The following NPAS3 variants were observed in gnomAD, a reference collection of about 807,000 sequenced individuals.
NPAS3 encodes the protein neuronal PAS domain-containing protein 3.
NPAS3 carries 14 observed loss-of-function variants against 73.1 expected under a neutral mutation model. The observed-to-expected ratio is 0.19, with a 90% confidence interval of 0.13 to 0.30. The LOEUF is 0.30. Among genes scored for constraint, NPAS3 ranks in the 10% least tolerant of loss-of-function variants. The probability of loss-of-function intolerance (pLI) is 1.00; values close to 1 mark genes in which losing one functional copy is unlikely to be tolerated. For synonymous variants in NPAS3, 620 were observed against 541.5 expected, an observed-to-expected ratio of 1.14 and a Z score of -2.01; for missense variants, 1,096 against 1,250.0, an observed-to-expected ratio of 0.88 and a Z score of 1.86.
At chr14:33,430,474 C>T (rs1018433366) in intron 4 of NPAS3, among the ~76,000 whole-genome samples, 2 of 152,102 alleles carry the variant, frequency 1.3e-5, no homozygotes, top group Non-Finnish European at 2.9e-5. Flanking sequence ...GGTGGCCTAG[C>T]AGAGTACATG....
intron 9 of NPAS3, among the ~76,000 whole-genome samples, chr14:33,785,492 G>A (rs2063143763): frequency 6.7e-6 from 1 of 149,792 alleles, no homozygotes; most frequent in African/African-American, 2.5e-5. Context: ...ACCTAAATCA[G>A]TTAACCTAAA....
chr14:33,343,635 G>A (rs1252252665), intron 3 of NPAS3, among the ~76,000 whole-genome samples: 2 of 152,164 alleles, frequency 1.3e-5, no homozygotes, highest in Non-Finnish European at 2.9e-5. Context: ...AAATGTTCCA[G>A]TAATTAGGGG....
intron 4 of NPAS3, among the ~76,000 whole-genome samples, chr14:33,439,037 C>T (rs556288227): frequency 1.3e-5 from 2 of 151,930 alleles, no homozygotes; most frequent in South Asian, 2.1e-4. Context: ...GTTCAATTTC[C>T]AAACTTACCC....
chr14:33,087,432 G>C lies in NPAS3; in HGVS notation c.140+31438G>C, dbSNP rs549306043. Reference sequence around the variant, plus strand: ...TACCAAGTAGGGAACAAAAAAATAAGGACTTCTGTGCAAATGATACCATTA... The same window carrying C: ...TACCAAGTAGGGAACAAAAAAATAACGACTTCTGTGCAAATGATACCATTA... On this transcript the variant is annotated intron_variant, in intron 2 of 11. Transcript: ENST00000356141. 3.3e-5 allele frequency among the ~76,000 whole-genome samples: 5 copies of C among 151,786 alleles called. No individual in the cohort carries two copies. In the South Asian group the frequency reaches 1.0e-3, roughly 32 times the overall value.
intron 9 of NPAS3, among the ~76,000 whole-genome samples, chr14:33,783,816 T>C: frequency 6.6e-6 from 1 of 152,140 alleles, no homozygotes. Context: ...GAATCTGCAG[T>C]TAGCAAGATC....
At chr14:33,594,516 A>G (rs2057172997) in intron 5 of NPAS3, among the ~76,000 whole-genome samples, 1 of 152,212 alleles carries the variant, frequency 6.6e-6, no homozygotes, top group Non-Finnish European at 1.5e-5. Flanking sequence ...AGTCCTGTGC[A>G]CAACTTTCTG....
At chr14:33,198,795 G>A (rs1566667420) in intron 2 of NPAS3, among the ~76,000 whole-genome samples, 1 of 152,184 alleles carries the variant, frequency 6.6e-6, no homozygotes, top group African/African-American at 2.4e-5. Flanking sequence ...CAGGGGCAGT[G>A]CCTGTCAGGA....
chr14:33,544,096 A>G lies in NPAS3; in HGVS notation c.469-16025A>G, dbSNP rs141658717. On this transcript the variant is annotated intron_variant, in intron 4 of 11. Coordinates refer to ENST00000356141, the Ensembl canonical transcript of NPAS3. Reference sequence around the variant, plus strand: ...CACAGAGACCACCTCCATAAATGCTATCTGTCACTGTTAATATTATTATTA... The same window carrying G: ...CACAGAGACCACCTCCATAAATGCTGTCTGTCACTGTTAATATTATTATTA... 3.3e-5 allele frequency among the ~76,000 whole-genome samples: 5 copies of G among 151,048 alleles called. No homozygotes were observed. In the East Asian group the frequency reaches 5.9e-4, roughly 18 times the overall value.
intron 2 of NPAS3, among the ~76,000 whole-genome samples, chr14:33,093,033 T>C (rs1191041243): frequency 1.3e-5 from 2 of 152,104 alleles, no homozygotes; most frequent in Admixed American, 6.6e-5. Flanking sequence ...AAAACCTAGG[T>C]AATACCATTC....
intron 5 of NPAS3, among the ~76,000 whole-genome samples, chr14:33,606,713 G>T (rs993666206): frequency 2.0e-5 from 3 of 151,826 alleles, no homozygotes; most frequent in Admixed American, 1.3e-4. Context: ...GACGCTAAAA[G>T]CATTATACTT....
chr14:33,319,299 G>C (rs1406177955), intron 3 of NPAS3, among the ~76,000 whole-genome samples: 2 of 152,106 alleles, frequency 1.3e-5, no homozygotes, highest in African/African-American at 2.4e-5. Flanking sequence ...CAAGTCACAA[G>C]GCCAGCCTTG....
At chr14:33,183,404 C>T (rs370355970) in intron 2 of NPAS3, among the ~76,000 whole-genome samples, 54 of 130,438 alleles carry the variant, frequency 4.1e-4, no homozygotes, top group African/African-American at 1.1e-3. Flanking sequence ...CCAGCCTGGG[C>T]GACAGAGTGA....
intron 4 of NPAS3, among the ~76,000 whole-genome samples, chr14:33,370,623 T>A (rs2140433696): frequency 6.6e-6 from 1 of 152,288 alleles, no homozygotes; most frequent in East Asian, 1.9e-4. Flanking sequence ...AAATACAACG[T>A]CCAGGAAGTC....
chr14:33,541,397 G>A (rs1196219119), intron 4 of NPAS3, among the ~76,000 whole-genome samples: 1 of 152,168 alleles, frequency 6.6e-6, no homozygotes, highest in African/African-American at 2.4e-5. Flanking sequence ...CAGAGTAAAT[G>A]CCGCTTAAAG....
chr14:33,503,672 A>G (rs540215090), intron 4 of NPAS3, among the ~76,000 whole-genome samples: 20 of 152,078 alleles, frequency 1.3e-4, no homozygotes, highest in Non-Finnish European at 2.7e-4. Flanking sequence ...TAAAAACTGC[A>G]TGTTCTAGAG....
chr14:33,472,433 G>T (rs1474541139), intron 4 of NPAS3, among the ~76,000 whole-genome samples: 2 of 152,144 alleles, frequency 1.3e-5, no homozygotes, highest in Non-Finnish European at 2.9e-5. Context: ...TTTGACTTAG[G>T]CTTTACAACA....
At chr14:33,530,259 G>A (rs1485256264) in intron 4 of NPAS3, among the ~76,000 whole-genome samples, 1 of 152,104 alleles carries the variant, frequency 6.6e-6, no homozygotes, top group Non-Finnish European at 1.5e-5. Context: ...GCAATTACCT[G>A]CAGAATTTAG....
At chr14:33,527,464 T>C (rs140133851) in intron 4 of NPAS3, among the ~76,000 whole-genome samples, 3,256 of 152,306 alleles carry the variant, frequency 0.021, 55 homozygotes, top group Middle Eastern at 0.034. Flanking sequence ...CTCAGAGATG[T>C]AGTCATTTCA....
intron 2 of NPAS3, among the ~76,000 whole-genome samples, chr14:33,177,617 CCT>C (rs921147718): frequency 7.9e-5 from 12 of 152,120 alleles, no homozygotes; most frequent in Non-Finnish European, 1.5e-4. Flanking sequence ...AAAGATTTCC[CCT>C]GTTTTTCTTT....
Sources: allele counts gnomAD v4.1 joint callset (sites outside exome capture counted in the v4.1 genomes callset), GRCh38; gene constraint gnomAD v4.1.1; transcripts MANE v1.5; gene names NCBI Gene and HGNC (gene_info 2026-07-23, HGNC 2026-07-21).